The following TTLL9 variants were observed in gnomAD, a reference collection of about 807,000 sequenced individuals.
TTLL9 encodes tubulin tyrosine ligase like 9.
A neutral mutation model predicts 65.6 loss-of-function variants in TTLL9; 47 were observed. That is an observed-to-expected ratio of 0.72 (90% CI 0.57 to 0.91). The LOEUF (loss-of-function observed/expected upper bound fraction) is 0.91, where lower values mean the gene tolerates loss of function less well. Among genes scored for constraint, TTLL9 ranks in the 40% least tolerant of loss-of-function variants. The pLI is 0.00. For synonymous variants in TTLL9, 179 were observed against 204.8 expected, an observed-to-expected ratio of 0.87 and a Z score of 1.07; for missense variants, 537 against 568.8, an observed-to-expected ratio of 0.94 and a Z score of 0.57.
At chr20:31,889,559 A>T (rs1037172387) in intron 3 of TTLL9, among the ~76,000 whole-genome samples, 2 of 151,450 alleles carry the variant, frequency 1.3e-5, no homozygotes, top group Non-Finnish European at 2.9e-5. Flanking sequence ...AGTAGCTGGG[A>T]CTACAGGCAC....
chr20:31,907,641 A>G (rs1268469792), intron 4 of TTLL9, among the ~76,000 whole-genome samples: 1 of 151,980 alleles, frequency 6.6e-6, no homozygotes, highest in African/African-American at 2.4e-5. Flanking sequence ...AAATCGCTTG[A>G]ACCCGGGAGG....
At chr20:31,888,154 G>T (rs2063227194) in intron 3 of TTLL9, among the ~76,000 whole-genome samples, 1 of 152,172 alleles carries the variant, frequency 6.6e-6, no homozygotes, top group Non-Finnish European at 1.5e-5. Flanking sequence ...AAAGTGTTGG[G>T]ATTACAGGCG....
chr20:31,934,932 C>T (rs769304597), intron 12 of TTLL9, 44 bp downstream of exon 12: 4 of 1,565,392 alleles, frequency 2.6e-6, no homozygotes, highest in African/African-American at 1.3e-5. Flanking sequence ...AGTTTGCATA[C>T]TCGGCACCCA....
chr20:31,883,301 G>A (rs549260608), intron 2 of TTLL9, among the ~76,000 whole-genome samples: 2 of 151,564 alleles, frequency 1.3e-5, no homozygotes, highest in African/African-American at 4.9e-5. Flanking sequence ...GGGTTCAAGC[G>A]ATTCTTTTGC....
intron 4 of TTLL9, 76 bp downstream of exon 4, chr20:31,898,641 G>T (rs560476881): frequency 2.7e-5 from 37 of 1,363,698 alleles, no homozygotes; most frequent in Non-Finnish European, 3.6e-5. Flanking sequence ...TTTTCTCCCA[G>T]TTCCCCTGGG....
At chr20:31,908,024 G>A (rs778692689) in intron 4 of TTLL9, among the ~76,000 whole-genome samples, 10 of 152,246 alleles carry the variant, frequency 6.6e-5, no homozygotes, top group Admixed American at 2.0e-4. Context: ...ATTTGGAGCC[G>A]GCAGAGCTGG....
Position 31,943,326 on chromosome 20 carries a change from G to A in TTLL9, c.*305G>A. On this transcript the variant is annotated 3_prime_UTR_variant, in exon 15 of 15. Coordinates refer to ENST00000535842, the MANE Select transcript of TTLL9 (RefSeq NM_001008409.5). ...ATACAGCAAGTTCTGCTACCCCCAGGAGATCATATCTAATAAATGAGCACA... is the reference window on the plus strand; with the variant it reads ...ATACAGCAAGTTCTGCTACCCCCAGAAGATCATATCTAATAAATGAGCACA... The A allele has an allele frequency of 2.3e-6, 1 of 443,550 alleles. No homozygotes were observed. The highest frequency in any genetic ancestry group is 6.5e-4 in the Middle Eastern group (1 of 1,538). 27.5% of individuals were successfully genotyped at this position (443,550 alleles called of 1,614,324 possible).
intron 3 of TTLL9, among the ~76,000 whole-genome samples, chr20:31,889,693 T>C (rs142572484): frequency 5.3e-4 from 80 of 152,150 alleles, no homozygotes; most frequent in Admixed American, 1.8e-3. Flanking sequence ...ATGCTGGGGT[T>C]ACAGGTGTGA....
Position 31,943,186 on chromosome 20 carries a change from TGGATACCTCCAGCCCATCCCCA to T in TTLL9, c.*168_*189del. 1 of 660,220 alleles carries T rather than the reference TGGATACCTCCAGCCCATCCCCA, an allele frequency of 1.5e-6. No homozygotes were observed. Among genetic ancestry groups the T allele is most frequent in the Non-Finnish European group, 2.7e-6 (1 of 369,060 alleles). 40.9% of individuals were successfully genotyped at this position (660,220 alleles called of 1,614,324 possible). ...AGCTTACTACCTGAATTGGGCCCCT[TGGATACCTCCAGCCCATCCCCA>T]GGCATCTTTGCACCAGGAGACAGCC... is the stretch of plus-strand genomic sequence containing the variant. On this transcript the variant is annotated 3_prime_UTR_variant, in exon 15 of 15. Transcript: ENST00000535842.
At chr20:31,894,661 T>TATATAC (rs927007259) in intron 3 of TTLL9, among the ~76,000 whole-genome samples, 1 of 152,102 alleles carries the variant, frequency 6.6e-6, no homozygotes, top group African/African-American at 2.4e-5. Context: ...TTTTAGTCTT[T>TATATAC]ATATACATAT....
chr20:31,913,984 C>A (rs115927383), intron 6 of TTLL9, among the ~76,000 whole-genome samples: 2 of 152,184 alleles, frequency 1.3e-5, no homozygotes, highest in Non-Finnish European at 2.9e-5. Context: ...TGTGTGCCCC[C>A]CAAGCTGCTC....
At chr20:31,937,553 C>T in intron 13 of TTLL9, 44 bp downstream of exon 13, 1 of 1,500,944 alleles carries the variant, frequency 6.7e-7, no homozygotes, top group Non-Finnish European at 9.2e-7. Context: ...TACATGACAA[C>T]TGAGGCTCCC....
At chr20:31,879,873 G>T in intron 2 of TTLL9, 3 of 1,550,460 alleles carry the variant, frequency 1.9e-6, no homozygotes, top group South Asian at 1.2e-5. Flanking sequence ...GGCCCCTGGG[G>T]AATCGCGTTA....
rs759580550 is a variant in TTLL9, at chr20:31,909,871, G to C, written c.453G>C (p.Leu151=). ...KTFEMPCEYH[L]FVEEFRKNPG... ...TTGAGATGCCTTGCGAGTACCACCTGTTTGTAGAGGAGTTTCGCAAAAACC... is the reference window on the plus strand; with the variant it reads ...TTGAGATGCCTTGCGAGTACCACCTCTTTGTAGAGGAGTTTCGCAAAAACC... Residue 151 remains leucine (L), a synonymous_variant, in exon 6 of 15, where the codon CTG becomes CTC. Transcript: ENST00000535842. 6.5e-7 allele frequency: 1 copy of C among 1,532,752 alleles called. No individual in the cohort carries two copies. The allele number at this position is 1,532,752 out of a possible 1,614,324, so 94.9% of individuals were successfully genotyped here.
chr20:31,938,515 C>A (rs2064154278), intron 13 of TTLL9, among the ~76,000 whole-genome samples: 1 of 152,204 alleles, frequency 6.6e-6, no homozygotes, highest in Non-Finnish European at 1.5e-5. Flanking sequence ...CAGTAAGGAA[C>A]ACAACAGAAC....
chr20:31,926,320 A>C (rs2063906355), intron 10 of TTLL9, among the ~76,000 whole-genome samples: 1 of 152,208 alleles, frequency 6.6e-6, no homozygotes, highest in African/African-American at 2.4e-5. Flanking sequence ...TTCAGTGCCT[A>C]GTCATTGGCT....
intron 3 of TTLL9, among the ~76,000 whole-genome samples, chr20:31,896,423 G>A (rs2123458077): frequency 6.6e-6 from 1 of 152,284 alleles, no homozygotes; most frequent in African/African-American, 2.4e-5. Context: ...GTTTTTAAAT[G>A]AATGAGTGTT....
rs954590393 is a variant in TTLL9, at chr20:31,943,568, C to T, written c.*547C>T. 10 of 354,088 alleles carry T rather than the reference C, an allele frequency of 2.8e-5. No homozygotes were observed. Among genetic ancestry groups the T allele is most frequent in the African/African-American group, 2.1e-4 (10 of 46,722 alleles). The allele number at this position is 354,088 out of a possible 1,614,324, so 21.9% of individuals were successfully genotyped here. A position where few individuals can be genotyped will look rare whatever the true frequency, so the allele number is the denominator to read the frequency against. On this transcript the variant is annotated 3_prime_UTR_variant, in exon 15 of 15. Transcript: ENST00000535842. The stretch of plus-strand genomic sequence containing the variant: ...TGTTTATTGGGGGCCTGGGGAAGTA[C>T]TGAGCCCTAAACACATCCTCTTCTC...
chr20:31,940,322 C>G (rs2064182938), intron 14 of TTLL9: 1 of 152,118 alleles, frequency 6.6e-6, no homozygotes, highest in South Asian at 2.1e-4. Context: ...TGCATTTCTT[C>G]TTTTGTAAGC....
Sources: gnomAD v4.1 joint callset for allele counts (sites outside exome capture counted in the v4.1 genomes callset) on GRCh38, gnomAD v4.1.1 for gene constraint, MANE v1.5 for transcripts, NCBI Gene and HGNC (gene_info 2026-07-23, HGNC 2026-07-21) for gene names.